Variants in RANBP9 observed in about 807,000 individuals in gnomAD.
The protein encoded by RANBP9 is ran-binding protein 9.
Under a neutral mutation model 84.3 loss-of-function variants are expected in RANBP9, and 15 were observed. The observed-to-expected ratio is 0.18, with a 90% CI of 0.12 to 0.27. The LOEUF is 0.27. Ranked by LOEUF, RANBP9 falls within the 10% of genes least tolerant of loss-of-function variation. The pLI is 1.00. For synonymous variants in RANBP9, 392 were observed against 349.6 expected (o/e 1.12, Z -1.35); for missense variants, 809 against 912.8 (o/e 0.89, Z 1.46).
chr6:13,659,263 C>CAT (rs1462426564), intron 2 of RANBP9, among the ~76,000 whole-genome samples: 3 of 136,840 alleles, frequency 2.2e-5, no homozygotes, highest in African/African-American at 8.9e-5. Context: ...CACATACACA[C>CAT]ACACACACAC....
At chr6:13,623,340 T>TG (rs2127757034) in intron 13 of RANBP9, among the ~76,000 whole-genome samples, 1 of 152,308 alleles carries the variant, frequency 6.6e-6, no homozygotes, top group Non-Finnish European at 1.5e-5. Context: ...AGTTGACACA[T>TG]GGCTAGGAAG....
chr6:13,667,998 TA>T (rs1291280101), intron 2 of RANBP9, among the ~76,000 whole-genome samples: 1 of 151,826 alleles, frequency 6.6e-6, no homozygotes. Flanking sequence ...TTATAAAGAT[TA>T]GGGGAGAAAT....
At chr6:13,700,538 C>T (rs1403456208) in intron 1 of RANBP9, among the ~76,000 whole-genome samples, 1 of 152,180 alleles carries the variant, frequency 6.6e-6, no homozygotes, top group Non-Finnish European at 1.5e-5. Context: ...TTTACTTCCT[C>T]AAATATTCTT....
intron 2 of RANBP9, among the ~76,000 whole-genome samples, chr6:13,666,760 A>AAAC (rs375520211): frequency 1.6e-3 from 236 of 151,988 alleles, no homozygotes; most frequent in Non-Finnish European, 2.4e-3. Context: ...CCTTGTCTCA[A>AAAC]AACAACAACA....
At chr6:13,702,345 A>C (rs1392137046) in intron 1 of RANBP9, among the ~76,000 whole-genome samples, 2 of 152,152 alleles carry the variant, frequency 1.3e-5, no homozygotes, top group Non-Finnish European at 2.9e-5. Context: ...CGGGAGGCTG[A>C]GGGAGGAGAA....
intron 2 of RANBP9, among the ~76,000 whole-genome samples, chr6:13,663,652 G>C (rs1401884095): frequency 6.6e-6 from 1 of 151,818 alleles, no homozygotes; most frequent in Non-Finnish European, 1.5e-5. Context: ...AAATAGCAGA[G>C]ACATAAAGGT....
chr6:13,696,193 A>G (rs79046905), intron 2 of RANBP9, among the ~76,000 whole-genome samples: 321 of 152,284 alleles, frequency 2.1e-3, no homozygotes, highest in Non-Finnish European at 3.2e-3. Flanking sequence ...AAAAATTACT[A>G]TATTTTTAAT....
chr6:13,666,189 C>G, intron 2 of RANBP9, among the ~76,000 whole-genome samples: 1 of 151,988 alleles, frequency 6.6e-6, no homozygotes, highest in East Asian at 1.9e-4. Flanking sequence ...TATATACATG[C>G]TGTAGTGATT....
In RANBP9 at chr6:13,644,653, A is replaced by T; in HGVS notation, c.1004T>A (p.Val335Glu). The T allele has an allele frequency of 6.2e-7, 1 of 1,613,252 alleles. No individual in the cohort carries two copies. The highest frequency in any genetic ancestry group is 8.5e-7 in the Non-Finnish European group (1 of 1,179,558). ...VDANFGQHPFVFDIEDYMREW... is the reference protein window; with the variant it reads ...VDANFGQHPFEFDIEDYMREW... ...CCGCATATAGTCTTCTATATCAAACACGAAAGGATGTTGCCCAAAATTGGC... is the reference window on the plus strand; with the variant it reads ...CCGCATATAGTCTTCTATATCAAACTCGAAAGGATGTTGCCCAAAATTGGC... The change falls in exon 6 of 14, where the codon GTG (valine) becomes GAG (glutamate). Residue 335 changes from valine (V) to glutamate (E), a missense_variant. Val to Glu is a moderately radical substitution (Grantham distance 121, BLOSUM62 -2). This residue lies in a region of RANBP9 where 216 missense variants were observed against 329.0 expected (regional missense o/e 0.66). Transcript: ENST00000011619.
intron 13 of RANBP9, among the ~76,000 whole-genome samples, chr6:13,624,450 C>T (rs986386787): frequency 3.3e-5 from 5 of 152,166 alleles, no homozygotes; most frequent in African/African-American, 1.2e-4. Context: ...GCACAGACTT[C>T]TAAACTAGAC....
intron 2 of RANBP9, among the ~76,000 whole-genome samples, chr6:13,660,551 C>T (rs919396330): frequency 3.3e-5 from 5 of 152,246 alleles, no homozygotes; most frequent in African/African-American, 9.6e-5. Context: ...GGAGGACAAC[C>T]TTTCTAAAAT....
chr6:13,704,622 C>T (rs967319717), intron 1 of RANBP9, among the ~76,000 whole-genome samples: 1 of 151,714 alleles, frequency 6.6e-6, no homozygotes, highest in African/African-American at 2.4e-5. Context: ...TGGAGTCAGA[C>T]CCTGCCTCAA....
At chr6:13,709,692 A>G (rs1369793555) in intron 1 of RANBP9, among the ~76,000 whole-genome samples, 1 of 152,220 alleles carries the variant, frequency 6.6e-6, no homozygotes, top group Non-Finnish European at 1.5e-5. Context: ...AATGTTCAAC[A>G]AGGCCTATTT....
intron 2 of RANBP9, among the ~76,000 whole-genome samples, chr6:13,660,550 C>A (rs1304382599): frequency 6.6e-6 from 1 of 152,104 alleles, no homozygotes; most frequent in Non-Finnish European, 1.5e-5. Context: ...AGGAGGACAA[C>A]CTTTCTAAAA....
rs143012111 is a variant in RANBP9 at position 13,645,590 on chromosome 6, T to A, written c.928-861A>T. The stretch of plus-strand genomic sequence containing the variant: ...TGAGGCCACTATTATTATTTCTACT[T>A]CAAAGACAGAGAAAATGAGGATTCA... On this transcript the variant is annotated intron_variant, in intron 5 of 13. Coordinates refer to ENST00000011619, the MANE Select transcript of RANBP9 (RefSeq NM_005493.3). 3.1e-3 allele frequency among the ~76,000 whole-genome samples: 477 copies of A among 152,312 alleles called. 3 individuals carry two copies. Among genetic ancestry groups the A allele is most frequent in the African/African-American group, 0.011 (465 of 41,580 alleles).
At chr6:13,706,727 C>T (rs375855169) in intron 1 of RANBP9, among the ~76,000 whole-genome samples, 60 of 151,154 alleles carry the variant, frequency 4.0e-4, no homozygotes, top group African/African-American at 1.2e-3. Context: ...TCAGGCCAGG[C>T]GCAGTGGCTC....
intron 2 of RANBP9, among the ~76,000 whole-genome samples, chr6:13,681,094 A>T (rs941934966): frequency 6.6e-6 from 1 of 152,192 alleles, no homozygotes; most frequent in African/African-American, 2.4e-5. Flanking sequence ...TTTACAGAAA[A>T]AGCAATGACC....
Position 13,625,750 on chromosome 6 carries a change from T to C in RANBP9, c.1962A>G (p.Leu654=). ...TGTTCCAGGGATCTGAATATGCTAG[T>C]AGACTGAATGCATCCTGTTGAAAAC... ...NKKMLKDAFS[L]LAYSDPWNSP... The change falls in exon 13 of 14, where the codon CTA becomes CTG. Residue 654 remains leucine, a synonymous_variant. Coordinates refer to ENST00000011619, the MANE Select transcript of RANBP9 (RefSeq NM_005493.3). 1 of 1,605,602 alleles carries C rather than the reference T, an allele frequency of 6.2e-7. No individual in the cohort carries two copies. Among genetic ancestry groups the C allele is most frequent in the South Asian group, 1.1e-5 (1 of 90,904 alleles).
At chr6:13,698,238 G>T (rs1463658478) in intron 1 of RANBP9, among the ~76,000 whole-genome samples, 1 of 152,070 alleles carries the variant, frequency 6.6e-6, no homozygotes, top group African/African-American at 2.4e-5. Context: ...TTTTAGCCTG[G>T]TGACCATAAG....
Sources: gnomAD v4.1 joint callset for allele counts (sites outside exome capture counted in the v4.1 genomes callset) on GRCh38, gnomAD v4.1.1 for gene constraint, gnomAD v4.1.1 regional missense constraint, MANE v1.5 for transcripts, NCBI Gene and HGNC (gene_info 2026-07-23, HGNC 2026-07-21) for gene names.